RANBP2: variants seen among roughly 807,000 people sequenced by gnomAD.
RANBP2 encodes the protein RAN binding protein 2.
In RANBP2, 57 loss-of-function variants were observed where a neutral mutation model predicts 303.6. The ratio of observed to expected loss-of-function variants is 0.19; its 90% CI spans 0.15 to 0.23. The LOEUF is 0.23. RANBP2 is among the 10% of genes least tolerant of loss of function. RANBP2 has a pLI of 1.00. For missense variants in RANBP2, 3,138 were observed against 3,780.8 expected (o/e 0.83, Z 4.46); for synonymous variants, 1,167 against 1,301.5 (o/e 0.90, Z 2.23).
At chr2:109,496,588 G>C in the RANBP2 span, among the ~76,000 whole-genome samples, 2 of 152,310 alleles carry the variant, frequency 1.3e-5, no homozygotes, top group Non-Finnish European at 2.9e-5. Flanking sequence ...CCTTTGACCT[G>C]CTTCTCCCCA....
the RANBP2 span, among the ~76,000 whole-genome samples, chr2:109,256,100 C>T: frequency 2.0e-5 from 3 of 152,194 alleles, no homozygotes; most frequent in African/African-American, 4.8e-5. Context: ...TTCCCATGAG[C>T]CTGCAAAGTC....
chr2:108,810,872 G>A, the RANBP2 span, among the ~76,000 whole-genome samples: 1 of 152,098 alleles, frequency 6.6e-6, no homozygotes, highest in African/African-American at 2.4e-5. Flanking sequence ...CTTATGATTG[G>A]TCTGTTCTAG....
chr2:109,480,158 G>A, the RANBP2 span, among the ~76,000 whole-genome samples: 1 of 152,180 alleles, frequency 6.6e-6, no homozygotes, highest in Non-Finnish European at 1.5e-5. Flanking sequence ...ACCACATTAA[G>A]ACATCTGCTT....
the RANBP2 span, chr2:109,613,832 G>A: frequency 1.6e-6 from 2 of 1,237,132 alleles, no homozygotes; most frequent in South Asian, 3.9e-5. Context: ...GGCCATGGTC[G>A]CGGGCAGGGG....
the RANBP2 span, among the ~76,000 whole-genome samples, chr2:109,359,795 C>T: frequency 2.0e-5 from 3 of 152,120 alleles, no homozygotes; most frequent in Non-Finnish European, 4.4e-5. Context: ...AAGACCCTCC[C>T]AGGCCCCTTC....
chr2:109,265,989 C>A, the RANBP2 span, among the ~76,000 whole-genome samples: 3 of 152,072 alleles, frequency 2.0e-5, no homozygotes, highest in Non-Finnish European at 4.4e-5. Flanking sequence ...TGCTTATGTG[C>A]GCATGTGTGT....
At chr2:108,797,239 G>A in the RANBP2 span, among the ~76,000 whole-genome samples, 4 of 152,186 alleles carry the variant, frequency 2.6e-5, no homozygotes, top group East Asian at 1.9e-4. Flanking sequence ...AGTAGAGGAA[G>A]CAGAGCCTAT....
At chr2:109,069,564 G>A in the RANBP2 span, among the ~76,000 whole-genome samples, 1 of 152,236 alleles carries the variant, frequency 6.6e-6, no homozygotes, top group African/African-American at 2.4e-5. Context: ...ATCAAAGAGT[G>A]AGTGGCATGG....
the RANBP2 span, among the ~76,000 whole-genome samples, chr2:108,996,404 G>A: frequency 4.6e-5 from 7 of 152,176 alleles, no homozygotes; most frequent in East Asian, 1.9e-4. Context: ...CAAGGTGGCT[G>A]GTAATGTCCA....
chr2:109,564,020 T>G, the RANBP2 span, among the ~76,000 whole-genome samples: 3 of 152,298 alleles, frequency 2.0e-5, no homozygotes, highest in East Asian at 5.8e-4. Flanking sequence ...ATGACAACAG[T>G]TAAATATATC....
At chr2:109,166,699 A>G in the RANBP2 span, among the ~76,000 whole-genome samples, 29 of 152,364 alleles carry the variant, frequency 1.9e-4, no homozygotes, top group Non-Finnish European at 4.0e-4. Flanking sequence ...GTTCTTTTTC[A>G]AAGCAATTTG....
At chr2:108,846,180 G>C in the RANBP2 span, among the ~76,000 whole-genome samples, 1 of 152,032 alleles carries the variant, frequency 6.6e-6, no homozygotes, top group Non-Finnish European at 1.5e-5. Flanking sequence ...TGAGAGAGTA[G>C]GTAGTCCACC....
the RANBP2 span, chr2:108,816,122 G>A: frequency 6.4e-7 from 1 of 1,551,930 alleles, no homozygotes; most frequent in Non-Finnish European, 8.8e-7. Flanking sequence ...TTTTTAATTT[G>A]AAATATGTGA....
the RANBP2 span, chr2:109,490,717 C>T: frequency 6.5e-7 from 1 of 1,535,094 alleles, no homozygotes; most frequent in Non-Finnish European, 8.7e-7. Flanking sequence ...GCCGTGGACG[C>T]CCTGCTCCAA....
In RANBP2 at chr2:108,784,394, G is replaced by C. The variant is rs1172593846; in HGVS notation, c.*493G>C. ...TTATGAATGGGTAGAGCCACAGAACGTATAGAGTTAACCAAAGTGCTCTTC... is the reference window on the plus strand; with the variant it reads ...TTATGAATGGGTAGAGCCACAGAACCTATAGAGTTAACCAAAGTGCTCTTC... On this transcript the variant is annotated 3_prime_UTR_variant, in exon 29 of 29. Transcript: ENST00000283195. 6.4e-6 allele frequency: 1 copy of C among 156,698 alleles called. No homozygotes were observed. Among genetic ancestry groups the C allele is most frequent in the Admixed American group, 6.2e-5 (1 of 16,048 alleles). 9.7% of individuals were successfully genotyped at this position (156,698 alleles called of 1,614,324 possible).
chr2:109,084,754 C>T, the RANBP2 span, among the ~76,000 whole-genome samples: 32 of 152,292 alleles, frequency 2.1e-4, no homozygotes, highest in Admixed American at 8.5e-4. Context: ...CAGGACCCAC[C>T]ACTTGTCAGC....
At chr2:108,776,000 C>T in intron 24 of RANBP2, 64 bp downstream of exon 24, 1 of 1,405,380 alleles carries the variant, frequency 7.1e-7, no homozygotes. Context: ...AGAAGATAGA[C>T]TTTTAAAGGC....
the RANBP2 span, among the ~76,000 whole-genome samples, chr2:109,034,193 AC>A: frequency 7.2e-6 from 1 of 137,950 alleles, no homozygotes; most frequent in Admixed American, 8.2e-5. Flanking sequence ...TATCACTTGA[AC>A]CCGGGAGGTG....
At chr2:109,217,755 AATAG>A in the RANBP2 span, among the ~76,000 whole-genome samples, 4 of 152,162 alleles carry the variant, frequency 2.6e-5, no homozygotes, top group Non-Finnish European at 5.9e-5. Context: ...CCACTCAACT[AATAG>A]ATCATTCTTC....
Sources: allele counts gnomAD v4.1 joint callset (sites outside exome capture counted in the v4.1 genomes callset), GRCh38; gene constraint gnomAD v4.1.1; transcripts MANE v1.5; gene names NCBI Gene and HGNC (gene_info 2026-07-23, HGNC 2026-07-21).